NPR3: variants seen among roughly 807,000 people sequenced by gnomAD.
NPR3 encodes the protein natriuretic peptide receptor 3, also known as atrial natriuretic peptide receptor 3.
In NPR3, 34 loss-of-function variants were observed where a neutral mutation model predicts 54.5. The observed-to-expected ratio is 0.62, with a 90% CI of 0.47 to 0.83. NPR3 has a LOEUF of 0.83. Among genes scored for constraint, NPR3 ranks in the 40% least tolerant of loss-of-function variants. The pLI, the probability that NPR3 is intolerant of heterozygous loss-of-function variation, is 0.00. For missense variants in NPR3, 674 were observed against 720.8 expected, an observed-to-expected ratio of 0.94 and a Z score of 0.74; for synonymous variants, 289 against 297.1, an observed-to-expected ratio of 0.97 and a Z score of 0.28.
At position 32,789,893 on chromosome 5, in the gene NPR3, TGTGA is replaced by T. The variant is rs1169378916; in HGVS notation, c.*3552_*3555del. The T allele has an allele frequency of 1.2e-5, 5 of 406,558 alleles. No individual in the cohort carries two copies. The highest frequency in any genetic ancestry group is 2.1e-5 in the African/African-American group (1 of 48,388). 25.2% of individuals were successfully genotyped at this position (406,558 alleles called of 1,614,324 possible). A position where few individuals can be genotyped will look rare whatever the true frequency, so the allele number is the denominator to read the frequency against. On this transcript the variant is annotated 3_prime_UTR_variant, in exon 8 of 8. Coordinates refer to ENST00000265074, the MANE Select transcript of NPR3 (RefSeq NM_001204375.2). ...GAGATCAAATAGAGTATTATGCCAC[TGTGA>T]GTGTTTATAAACTGGAAGGAACAAG... is the stretch of plus-strand genomic sequence containing the variant.
chr5:32,761,411 A>G (rs1227314889), intron 3 of NPR3, among the ~76,000 whole-genome samples: 1 of 152,164 alleles, frequency 6.6e-6, no homozygotes, highest in Non-Finnish European at 1.5e-5. Flanking sequence ...TTTAAAAAAA[A>G]TAATTTTTTG....
rs1479414238 is a variant in NPR3, at chr5:32,711,833, G to C, written c.57G>C (p.Leu19Phe). The C allele has an allele frequency of 6.8e-7, 1 of 1,460,104 alleles. No individual in the cohort carries two copies. The highest frequency in any genetic ancestry group is 9.0e-7 in the Non-Finnish European group (1 of 1,107,810). The allele number at this position is 1,460,104 out of a possible 1,614,324, so 90.4% of individuals were successfully genotyped here. ...CGTGCGTACTACTCGGCTGGGCGTT[G>C]CTGGCCGGCGGCACCGGTGGCGGTG... ...FSPCVLLGWA[L>F]LAGGTGGGGV... The change falls in exon 1 of 8, where the codon TTG becomes TTC. Residue 19 changes from leucine to phenylalanine, a missense_variant. Coordinates refer to ENST00000265074, the MANE Select transcript of NPR3 (RefSeq NM_001204375.2).
rs150066448 is a variant in NPR3 at position 32,768,594 on chromosome 5, T to C, written c.1060-6114T>C. ...TCCGTGTGCCAGCTGTGTGACCCTC[T>C]GTTGTCCCTGTCATTACAGGAGGTG... On this transcript the variant is annotated intron_variant, in intron 3 of 7. Coordinates refer to ENST00000265074, the MANE Select transcript of NPR3 (RefSeq NM_001204375.2). Among the ~76,000 whole-genome samples the C allele has an allele frequency of 1.1e-3, 175 of 152,312 alleles. 3 individuals are homozygous for C. The South Asian group carries it at 0.019, about 16-fold the overall frequency.
chr5:32,701,399 G>A (rs552148328), intron 1 of NPR3, among the ~76,000 whole-genome samples: 12 of 152,316 alleles, frequency 7.9e-5, no homozygotes, highest in African/African-American at 2.2e-4. Flanking sequence ...TTATAGGACT[G>A]TGAATTCCTT....
chr5:32,752,211 AAAC>A (rs1429081824), intron 3 of NPR3, among the ~76,000 whole-genome samples: 1 of 57,884 alleles, frequency 1.7e-5, no homozygotes, highest in Non-Finnish European at 3.2e-5. Flanking sequence ...CCACCTCCAA[AAAC>A]AAAAACAAAA....
chr5:32,745,061 T>TG (rs1740225688), intron 3 of NPR3, among the ~76,000 whole-genome samples: 1 of 152,118 alleles, frequency 6.6e-6, no homozygotes, highest in Non-Finnish European at 1.5e-5. Context: ...CTGAGAAAGG[T>TG]GGGGTGGCCT....
chr5:32,758,952 C>A (rs570475081), intron 3 of NPR3, among the ~76,000 whole-genome samples: 2 of 152,288 alleles, frequency 1.3e-5, no homozygotes, highest in African/African-American at 4.8e-5. Context: ...AGTTTGATTG[C>A]ACTGTGGTCC....
intron 3 of NPR3, among the ~76,000 whole-genome samples, chr5:32,744,469 C>T (rs563989729): frequency 5.3e-5 from 8 of 152,196 alleles, no homozygotes; most frequent in African/African-American, 1.9e-4. Flanking sequence ...CAATTTTTGA[C>T]TGAAAAAGTT....
chr5:32,734,926 T>G (rs1476344026), intron 2 of NPR3, among the ~76,000 whole-genome samples: 1 of 152,214 alleles, frequency 6.6e-6, no homozygotes, highest in Non-Finnish European at 1.5e-5. Context: ...TGACACAGCA[T>G]TCTTCTGGTT....
upstream of NPR3, among the ~76,000 whole-genome samples, chr5:32,707,626 T>G (rs1338523538): frequency 6.6e-6 from 1 of 152,182 alleles, no homozygotes; most frequent in Non-Finnish European, 1.5e-5. Context: ...AGAAGGTATT[T>G]TATTGTGGGC....
chr5:32,703,316 C>T (rs1737878632), intron 1 of NPR3, among the ~76,000 whole-genome samples: 1 of 151,960 alleles, frequency 6.6e-6, no homozygotes, highest in Non-Finnish European at 1.5e-5. Context: ...AACTGGGGAC[C>T]CCAAAAGCCC....
chr5:32,705,378 T>G (rs148137315), upstream of NPR3, among the ~76,000 whole-genome samples: 497 of 152,306 alleles, frequency 3.3e-3, 2 homozygotes, highest in African/African-American at 0.012. Flanking sequence ...AAGAAATACC[T>G]GAGATTGGGT....
chr5:32,704,089 G>T (rs2111821904), intron 1 of NPR3, among the ~76,000 whole-genome samples: 1 of 152,276 alleles, frequency 6.6e-6, no homozygotes, highest in African/African-American at 2.4e-5. Context: ...TCCCTTCATG[G>T]GCACTGGCTG....
chr5:32,782,162 G>A (rs1742368679), intron 5 of NPR3, among the ~76,000 whole-genome samples: 1 of 152,194 alleles, frequency 6.6e-6, no homozygotes, highest in South Asian at 2.1e-4. Flanking sequence ...GCCTGGAAAT[G>A]GGGGTGCACA....
At chr5:32,702,492 G>A (rs570026929) in intron 1 of NPR3, among the ~76,000 whole-genome samples, 23 of 142,186 alleles carry the variant, frequency 1.6e-4, no homozygotes, top group African/African-American at 5.8e-4. Context: ...TCCCACCTAT[G>A]AGTGAGAACA....
rs1400715536 is a variant in NPR3 at position 32,711,985 on chromosome 5, C to G, written c.209C>G (p.Thr70Ser). 6.2e-7 allele frequency: 1 copy of G among 1,610,656 alleles called. No homozygotes were observed. The highest frequency in any genetic ancestry group is 1.3e-5 in the African/African-American group (1 of 74,940). ...GATGACTCGTACTTGTTTTCACTCACCCGGGTGCGGCCGGCCATCGAGTAT... is the reference window on the plus strand; with the variant it reads ...GATGACTCGTACTTGTTTTCACTCAGCCGGGTGCGGCCGGCCATCGAGTAT... ...PQDDSYLFSL[T>S]RVRPAIEYAL... is the part of the protein sequence containing the mutation. Residue 70 changes from threonine (T) to serine (S), a missense_variant, in exon 1 of 8, where the codon ACC (threonine) becomes AGC (serine). Transcript: ENST00000265074.
intron 2 of NPR3, among the ~76,000 whole-genome samples, chr5:32,734,946 C>G (rs1012169245): frequency 2.0e-5 from 3 of 152,138 alleles, no homozygotes; most frequent in African/African-American, 7.2e-5. Context: ...TCTCTGTTAG[C>G]TCCTCTCTGT....
At chr5:32,756,539 C>A (rs904352631) in intron 3 of NPR3, among the ~76,000 whole-genome samples, 3 of 152,128 alleles carry the variant, frequency 2.0e-5, no homozygotes, top group African/African-American at 7.2e-5. Flanking sequence ...AAAATTTTCT[C>A]CCATTCTGTA....
intron 2 of NPR3, among the ~76,000 whole-genome samples, chr5:32,737,634 G>A (rs1003399279): frequency 1.1e-4 from 17 of 152,210 alleles, no homozygotes; most frequent in East Asian, 7.7e-4. Context: ...ACAATACTTC[G>A]TAGAAAAAAT....
Sources: allele counts gnomAD v4.1 joint callset (sites outside exome capture counted in the v4.1 genomes callset), GRCh38; gene constraint gnomAD v4.1.1; transcripts MANE v1.5; gene names NCBI Gene and HGNC (gene_info 2026-07-23, HGNC 2026-07-21).